Variants in DCAKD observed in about 807,000 individuals in gnomAD.
DCAKD encodes the protein dephospho-CoA kinase domain-containing protein.
In DCAKD, 15 loss-of-function variants were observed where a neutral mutation model predicts 18.7. The observed-to-expected ratio is 0.80, with a 90% CI of 0.54 to 1.24. The LOEUF is 1.24. DCAKD is among the 50% of genes most tolerant of loss of function. The probability of loss-of-function intolerance (pLI) is 0.00; values close to 1 mark genes in which losing one functional copy is unlikely to be tolerated. For missense variants in DCAKD, 301 were observed against 322.0 expected (o/e 0.93, Z 0.50); for synonymous variants, 130 against 133.0 (o/e 0.98, Z 0.16).
intron 3 of DCAKD, chr17:45,031,532 G>A: frequency 1.0e-6 from 1 of 985,194 alleles, no homozygotes; most frequent in Non-Finnish European, 1.2e-6. Flanking sequence ...CCCTCGCTAG[G>A]TGCCCCAAAA....
Position 45,060,545 on chromosome 17 carries a change from G to GA in DCAKD, c.-118+342dup, listed in dbSNP as rs1175156655. On this transcript the variant is annotated intron_variant, in intron 1 of 4. Coordinates refer to the DCAKD transcript ENST00000310604. ...AAAGAAAGAAAGAAAGAAAAGAAAAGAAAAAAAGGGTCGTTGTGGAAAATT... is the reference window on the plus strand; with the variant it reads ...AAAGAAAGAAAGAAAGAAAAGAAAAGAAAAAAAAGGGTCGTTGTGGAAAATT... Among the ~76,000 whole-genome samples the GA allele has an allele frequency of 2.0e-5, 3 of 151,892 alleles. No individual in the cohort carries two copies. The East Asian group carries it at 5.8e-4, about 29-fold the overall frequency.
Position 45,048,269 on chromosome 17 carries a change from C to A in DCAKD, c.-115+3092G>T, listed in dbSNP as rs530779915. Among the ~76,000 whole-genome samples, 449 of 152,012 alleles carry A rather than the reference C, an allele frequency of 3.0e-3. 3 individuals carry two copies. Among genetic ancestry groups the A allele is most frequent in the African/African-American group, 0.01 (422 of 41,418 alleles). On this transcript the variant is annotated intron_variant, in intron 1 of 4. Transcript: ENST00000651974. ...AAAAATTAGCTGGAATCCCAGCACT[C>A]TGGGAGGCAGATCACTTGAGGCCAG...
At chr17:45,044,707 A>G (rs902642153) in intron 1 of DCAKD, among the ~76,000 whole-genome samples, 8 of 96,106 alleles carry the variant, frequency 8.3e-5, no homozygotes, top group Non-Finnish European at 1.4e-4. Context: ...AAATAAATAA[A>G]TAAATAAATA....
intron 3 of DCAKD, chr17:45,031,144 C>G (rs2053163977): frequency 1.0e-6 from 1 of 985,438 alleles, no homozygotes; most frequent in Non-Finnish European, 1.2e-6. Flanking sequence ...CCACTCCAAA[C>G]ACTTCCAAGC....
intron 3 of DCAKD, chr17:45,031,868 A>G: frequency 1.0e-6 from 1 of 985,354 alleles, no homozygotes; most frequent in Non-Finnish European, 1.2e-6. Context: ...GATTATACCA[A>G]CTTTGACAGT....
intron 3 of DCAKD, chr17:45,030,949 G>A: frequency 1.0e-6 from 1 of 984,084 alleles, no homozygotes. Flanking sequence ...CCCACTGTGA[G>A]TGAGCACATC....
upstream of DCAKD, among the ~76,000 whole-genome samples, chr17:45,053,671 C>T (rs577515927): frequency 1.3e-5 from 2 of 152,206 alleles, no homozygotes; most frequent in Non-Finnish European, 2.9e-5. Flanking sequence ...CCACCCACCT[C>T]GGCCTCCCAA....
intron 1 of DCAKD, among the ~76,000 whole-genome samples, chr17:45,048,085 G>T (rs757980356): frequency 2.6e-5 from 4 of 152,024 alleles, no homozygotes; most frequent in Non-Finnish European, 5.9e-5. Flanking sequence ...AAGGCTTTCA[G>T]GCATAAAATG....
chr17:45,051,008 G>A (rs2053682465), intron 1 of DCAKD, among the ~76,000 whole-genome samples: 1 of 152,220 alleles, frequency 6.6e-6, no homozygotes, highest in African/African-American at 2.4e-5. Context: ...GCGGAGGAGA[G>A]GGGTCTGAAA....
chr17:45,047,283 C>G (rs554998085), intron 1 of DCAKD, among the ~76,000 whole-genome samples: 1 of 151,840 alleles, frequency 6.6e-6, no homozygotes, highest in Admixed American at 6.6e-5. Flanking sequence ...AAAAGCTCCA[C>G]CCAGCTTATT....
chr17:45,034,978 AC>A lies in DCAKD; in HGVS notation c.-94del. 1 of 1,343,288 alleles carries A rather than the reference AC, an allele frequency of 7.4e-7. No homozygotes were observed. The highest frequency in any genetic ancestry group is 1.0e-6 in the Non-Finnish European group (1 of 957,474). 83.2% of individuals were successfully genotyped at this position (1,343,288 alleles called of 1,614,324 possible). A position where few individuals can be genotyped will look rare whatever the true frequency, so the allele number is the denominator to read the frequency against. Reference sequence around the variant, plus strand: ...CAAGTGTGGCCGATGGGGGCGGTCCACCAGAGGAGTGCCAGAAGGACCTGCT... The same window carrying A: ...CAAGTGTGGCCGATGGGGGCGGTCCACAGAGGAGTGCCAGAAGGACCTGCT... On this transcript the variant is annotated 5_prime_UTR_variant, in exon 2 of 5. An upstream open reading frame in the 5' UTR gains an earlier in-frame stop. Coordinates refer to ENST00000651974, the MANE Select transcript of DCAKD (RefSeq NM_001288655.2).
chr17:45,028,932 T>C (rs1318150164), intron 4 of DCAKD, among the ~76,000 whole-genome samples: 1 of 151,916 alleles, frequency 6.6e-6, no homozygotes, highest in African/African-American at 2.4e-5. Context: ...CTCGAACTCC[T>C]GACCTCAGGT....
intron 4 of DCAKD, among the ~76,000 whole-genome samples, 175 bp from the exon 5 acceptor site, chr17:45,024,899 G>A (rs934584835): frequency 1.3e-5 from 2 of 151,954 alleles, no homozygotes; most frequent in African/African-American, 4.8e-5. Flanking sequence ...GGGAGGCTTG[G>A]AAGCTCACTG....
upstream of DCAKD, among the ~76,000 whole-genome samples, chr17:45,055,833 C>T (rs895805616): frequency 6.6e-6 from 1 of 152,120 alleles, no homozygotes; most frequent in African/African-American, 2.4e-5. Context: ...CACAATCTAT[C>T]TCATGGCTTC....
chr17:45,031,707 C>G (rs976599172), intron 3 of DCAKD: 1 of 985,256 alleles, frequency 1.0e-6, no homozygotes, highest in African/African-American at 1.7e-5. Context: ...CTGGGGAGTA[C>G]GTGGTCAGCT....
Position 45,031,484 on chromosome 17 carries a change from A to C in DCAKD, c.317-1305T>G, listed in dbSNP as rs1302427108. On this transcript the variant is annotated intron_variant, in intron 3 of 4. Transcript: ENST00000651974. Reference sequence around the variant, plus strand: ...GATGGTAAAGATGAAATGAGCCTTGAAAATATGTGAACCATGCAGTACTAC... The same window carrying C: ...GATGGTAAAGATGAAATGAGCCTTGCAAATATGTGAACCATGCAGTACTAC... The C allele has an allele frequency of 5.2e-6, 5 of 968,242 alleles. No homozygotes were observed. The African/African-American group carries it at 8.8e-5, about 17-fold the overall frequency. The allele number at this position is 968,242 out of a possible 1,614,324, so 60.0% of individuals were successfully genotyped here.
Position 45,058,990 on chromosome 17 carries a change from C to T in DCAKD, c.-118+1898G>A, listed in dbSNP as rs532180612. Among the ~76,000 whole-genome samples, 251 of 152,186 alleles carry T rather than the reference C, an allele frequency of 1.6e-3. 1 individual carries two copies. Among genetic ancestry groups the T allele is most frequent in the African/African-American group, 5.7e-3 (237 of 41,526 alleles). ...GCGCGGTGGCTCACGCCTGTAATCC[C>T]AGCACTTTGGGAGGCCGAGGCGGGC... On this transcript the variant is annotated intron_variant, in intron 1 of 4. Coordinates refer to the DCAKD transcript ENST00000310604.
At position 45,024,099 on chromosome 17, in the gene DCAKD, C is replaced by T. The variant is rs560467437; in HGVS notation, c.*334G>A. ...AGGAGGGCCACAGAGCCAGTATTCC[C>T]TACCCCCACCCACAGAAATGTATAG... is the stretch of plus-strand genomic sequence containing the variant. On this transcript the variant is annotated 3_prime_UTR_variant, in exon 5 of 5. Transcript: ENST00000651974. 50 of 260,512 alleles carry T rather than the reference C, an allele frequency of 1.9e-4. No individual in the cohort carries two copies. The highest frequency in any genetic ancestry group is 6.6e-4 in the South Asian group (7 of 10,602). 16.1% of individuals were successfully genotyped at this position (260,512 alleles called of 1,614,324 possible). A position where few individuals can be genotyped will look rare whatever the true frequency, so the allele number is the denominator to read the frequency against.
intron 2 of DCAKD, 71 bp from the exon 3 acceptor site, chr17:45,034,461 G>A: frequency 4.5e-6 from 7 of 1,554,830 alleles, no homozygotes; most frequent in Non-Finnish European, 5.3e-6. Flanking sequence ...CAGTGACCAG[G>A]GGCAAAATGA....
Sources: allele counts gnomAD v4.1 joint callset (sites outside exome capture counted in the v4.1 genomes callset), GRCh38; gene constraint gnomAD v4.1.1; transcripts MANE v1.5; gene names NCBI Gene and HGNC (gene_info 2026-07-23, HGNC 2026-07-21).